The following DENND2A variants were observed in gnomAD, a reference collection of about 807,000 sequenced individuals.
The protein encoded by DENND2A is DENN domain-containing protein 2A.
In DENND2A, 53 loss-of-function variants were observed where a neutral mutation model predicts 105.3. The observed-to-expected ratio is 0.50, with a 90% CI of 0.40 to 0.63. DENND2A has a LOEUF of 0.63. DENND2A is among the 30% of genes least tolerant of loss of function. DENND2A has a pLI of 0.00. For synonymous variants in DENND2A, 522 were observed against 508.4 expected, an observed-to-expected ratio of 1.03 and a Z score of -0.36; for missense variants, 1,138 against 1,279.6, an observed-to-expected ratio of 0.89 and a Z score of 1.69.
In DENND2A at chr7:140,549,048, T is replaced by C. The variant is rs540630099; in HGVS notation, c.2038-2109A>G. Among the ~76,000 whole-genome samples, 915 of 150,882 alleles carry C rather than the reference T, an allele frequency of 6.1e-3. 13 individuals are homozygous for C. Among genetic ancestry groups the C allele is most frequent in the African/African-American group, 0.021 (848 of 41,344 alleles). ...AGCCTGCCAACACGGTGAAACCCCA[T>C]CTCTACTAAAACTACAAAATTAGCC... is the stretch of plus-strand genomic sequence containing the variant. On this transcript the variant is annotated intron_variant, in intron 12 of 19. Coordinates refer to ENST00000496613, the MANE Select transcript of DENND2A (RefSeq NM_015689.5).
chr7:140,587,689 T>C lies in DENND2A; in HGVS notation c.1087A>G (p.Thr363Ala), dbSNP rs776608149. 3.3e-5 allele frequency: 53 copies of C among 1,613,870 alleles called. No individual in the cohort carries two copies. Among genetic ancestry groups the C allele is most frequent in the Non-Finnish European group, 4.4e-5 (52 of 1,179,958 alleles). ...YAQTKLGLTR[T>A]LSEENVYEDI... ...TCATAGACGTTCTCCTCCGATAAAGTGCGTGTCAGCCCCAGCTTAGTCTGC... is the reference window on the plus strand; with the variant it reads ...TCATAGACGTTCTCCTCCGATAAAGCGCGTGTCAGCCCCAGCTTAGTCTGC... Residue 363 changes from threonine (T) to alanine (A), a missense_variant, in exon 4 of 20, where the codon ACT (threonine) becomes GCT (alanine). Transcript: ENST00000496613.
rs192080961 is a variant in DENND2A, at chr7:140,627,500, G to A, written c.-248+13004C>T. Among the ~76,000 whole-genome samples, 420 of 150,260 alleles carry A rather than the reference G, an allele frequency of 2.8e-3. 1 individual carries two copies. The highest frequency in any genetic ancestry group is 9.7e-3 in the African/African-American group (399 of 40,930). On this transcript the variant is annotated intron_variant, in intron 1 of 19. Coordinates refer to ENST00000496613, the MANE Select transcript of DENND2A (RefSeq NM_015689.5). Reference sequence around the variant, plus strand: ...ATTACAGGTATGAGTCACTGCACCCGGCCTATTTTTATTTTTAATTTTATT... The same window carrying A: ...ATTACAGGTATGAGTCACTGCACCCAGCCTATTTTTATTTTTAATTTTATT...
At chr7:140,522,431 A>G (rs550455375) in intron 17 of DENND2A, among the ~76,000 whole-genome samples, 1 of 151,618 alleles carries the variant, frequency 6.6e-6, no homozygotes, top group South Asian at 2.1e-4. Context: ...CCTCTGCCTC[A>G]GCCTCCCGAG....
At chr7:140,615,560 C>A (rs56942922) in intron 1 of DENND2A, among the ~76,000 whole-genome samples, 1 of 148,994 alleles carries the variant, frequency 6.7e-6, no homozygotes, top group Non-Finnish European at 1.5e-5. Context: ...TTTTTTGAGA[C>A]GGAGCCTCGC....
chr7:140,581,148 T>C lies in DENND2A; in HGVS notation c.1245+4441A>G, dbSNP rs116596233. ...GGCACAGTGGCCTGTGCCTGTAATCTCAGCTAGTCAGAGGGTGGGGCATGA... is the reference window on the plus strand; with the variant it reads ...GGCACAGTGGCCTGTGCCTGTAATCCCAGCTAGTCAGAGGGTGGGGCATGA... On this transcript the variant is annotated intron_variant, in intron 5 of 19. Coordinates refer to ENST00000496613, the MANE Select transcript of DENND2A (RefSeq NM_015689.5). Among the ~76,000 whole-genome samples, 924 of 151,946 alleles carry C rather than the reference T, an allele frequency of 6.1e-3. 6 individuals carry two copies. The highest frequency in any genetic ancestry group is 0.021 in the African/African-American group (855 of 41,466).
At chr7:140,533,975 A>C (rs558085078) in intron 14 of DENND2A, among the ~76,000 whole-genome samples, 1 of 151,886 alleles carries the variant, frequency 6.6e-6, no homozygotes, top group East Asian at 1.9e-4. Flanking sequence ...GTGCAGTGGC[A>C]CGATCTTGGC....
chr7:140,583,892 C>G (rs1246296107), intron 5 of DENND2A, among the ~76,000 whole-genome samples: 3 of 143,460 alleles, frequency 2.1e-5, no homozygotes, highest in Non-Finnish European at 4.4e-5. Flanking sequence ...TGCCACTGCA[C>G]TCCAGCCTGG....
At chr7:140,599,689 C>CAT (rs1030683604) in intron 3 of DENND2A, among the ~76,000 whole-genome samples, 11 of 151,468 alleles carry the variant, frequency 7.3e-5, no homozygotes, top group South Asian at 2.1e-4. Flanking sequence ...TATATATTTA[C>CAT]ATATATATAT....
At position 140,527,689 on chromosome 7, in the gene DENND2A, C is replaced by T. The variant is rs1206175967; in HGVS notation, c.2328-194G>A. Among the ~76,000 whole-genome samples, 1 of 152,182 alleles carries T rather than the reference C, an allele frequency of 6.6e-6. No individual in the cohort carries two copies. Among genetic ancestry groups the T allele is most frequent in the Non-Finnish European group, 1.5e-5 (1 of 68,034 alleles). On this transcript the variant is annotated intron_variant, in intron 14 of 19. Transcript: ENST00000496613. The surrounding 1 kb of genome is among the most constrained non-coding windows in gnomAD (Gnocchi z 4.9). ...AGCCTATGCGAGAGGCTTGCAGGCA[C>T]AGCTACAGGGATGAGTTTAACGTCC... is the stretch of plus-strand genomic sequence containing the variant.
rs1213368546 is a variant in DENND2A at position 140,567,268 on chromosome 7, T to A, written c.1597A>T (p.Ser533Cys). The part of the protein sequence containing the change: ...SDTEEKLKAH[S>C]QRLVNVKSRL... Reference sequence around the variant, plus strand: ...GACTTCACGTTGACCAGGCGCTGGCTGTGAGCTGGGTGAGGGAGGGAGAGA... The same window carrying A: ...GACTTCACGTTGACCAGGCGCTGGCAGTGAGCTGGGTGAGGGAGGGAGAGA... Residue 533 changes from serine to cysteine, a missense_variant, in exon 9 of 20, where the codon AGC becomes TGC. This residue lies in a region of DENND2A where 627 missense variants were observed against 779.8 expected (regional missense o/e 0.80). Transcript: ENST00000496613. The A allele has an allele frequency of 1.3e-6, 2 of 1,592,526 alleles. No individual in the cohort carries two copies. The highest frequency in any genetic ancestry group is 1.7e-6 in the Non-Finnish European group (2 of 1,170,524).
chr7:140,607,255 G>A lies in DENND2A; in HGVS notation c.-247-1449C>T, dbSNP rs1799726179. On this transcript the variant is annotated intron_variant, in intron 1 of 19. Coordinates refer to ENST00000496613, the MANE Select transcript of DENND2A (RefSeq NM_015689.5). ...CTCCCTCCCGAGTAATCAAAGGGCA[G>A]AACTTCAAGACATGCAGATAGCTCT... Among the ~76,000 whole-genome samples the A allele has an allele frequency of 2.0e-5, 3 of 152,212 alleles. No individual in the cohort carries two copies. In the South Asian group the frequency reaches 6.2e-4, roughly 32 times the overall value.
rs949152129 is a variant in DENND2A at position 140,528,492 on chromosome 7, G to A, written c.2328-997C>T. On this transcript the variant is annotated intron_variant, in intron 14 of 19. Transcript: ENST00000496613. ...ATGCTAGAGATGACTGAGGGCTGCC[G>A]GGCACGGTGGCTCACGCCTGTAATC... Among the ~76,000 whole-genome samples, 5 of 151,902 alleles carry A rather than the reference G, an allele frequency of 3.3e-5. No individual in the cohort carries two copies. The South Asian group carries it at 6.3e-4, about 19-fold the overall frequency.
intron 14 of DENND2A, among the ~76,000 whole-genome samples, chr7:140,529,648 A>G (rs1270510264): frequency 2.6e-5 from 4 of 152,170 alleles, no homozygotes; most frequent in African/African-American, 7.2e-5. Flanking sequence ...TTGTAGGGAC[A>G]TGGATGAAGC....
At chr7:140,534,081 A>ATTTTTTTTTTTTTTTTTTTTT (rs3042407) in intron 14 of DENND2A, among the ~76,000 whole-genome samples, 11 of 80,102 alleles carry the variant, frequency 1.4e-4, no homozygotes, top group South Asian at 5.1e-4. Context: ...TGCCTGGTTA[A>ATTTTTTTTTTTTTTTTTTTTT]TTTTTTTTTT....
At chr7:140,553,193 G>A (rs1277829832) in intron 12 of DENND2A, among the ~76,000 whole-genome samples, 1 of 152,176 alleles carries the variant, frequency 6.6e-6, no homozygotes, top group Non-Finnish European at 1.5e-5. Context: ...AGAGGGGGAT[G>A]TGTCAGGGTC....
rs193162591 is a variant in DENND2A at position 140,576,146 on chromosome 7, T to C, written c.1246-2138A>G. 2.0e-3 allele frequency among the ~76,000 whole-genome samples: 301 copies of C among 152,172 alleles called. 1 individual carries two copies. The highest frequency in any genetic ancestry group is 1.6e-3 in the Non-Finnish European group (109 of 68,010). ...CTTTGTTTATCTTTTAGGATTCTAA[T>C]GTTTTTACTATTTTCAATGAGCTCT... is the stretch of plus-strand genomic sequence containing the variant. On this transcript the variant is annotated intron_variant, in intron 5 of 19. Transcript: ENST00000496613.
At chr7:140,613,514 T>G (rs531743916) in intron 1 of DENND2A, among the ~76,000 whole-genome samples, 1 of 144,344 alleles carries the variant, frequency 6.9e-6, no homozygotes, top group East Asian at 2.0e-4. Context: ...CACTCAAGCC[T>G]GGGTAACAGA....
intron 5 of DENND2A, among the ~76,000 whole-genome samples, chr7:140,576,837 T>A (rs1199230970): frequency 6.6e-6 from 1 of 152,162 alleles, no homozygotes; most frequent in Admixed American, 6.6e-5. Context: ...CCAAATTCCA[T>A]CTACAATAAA....
chr7:140,568,705 C>G, intron 8 of DENND2A, 58 bp downstream of exon 8: 1 of 1,584,336 alleles, frequency 6.3e-7, no homozygotes, highest in Non-Finnish European at 8.7e-7. Flanking sequence ...GAGGAGGGGC[C>G]ACCTTTGCAG....
Sources: gnomAD v4.1 joint callset for allele counts (sites outside exome capture counted in the v4.1 genomes callset) on GRCh38, gnomAD v4.1.1 for gene constraint, gnomAD v4.1.1 regional missense constraint, Gnocchi (gnomAD v3.1) non-coding constraint, MANE v1.5 for transcripts, NCBI Gene and HGNC (gene_info 2026-07-23, HGNC 2026-07-21) for gene names.